Variants in SLC20A2 observed in about 807,000 individuals in gnomAD.
SLC20A2 encodes the protein solute carrier family 20 member 2, also known as sodium-dependent phosphate transporter 2.
SLC20A2 carries 30 observed loss-of-function variants against 61.0 expected under a neutral mutation model. That is an observed-to-expected ratio of 0.49 (90% CI 0.37 to 0.67). The LOEUF (loss-of-function observed/expected upper bound fraction) is 0.67, where lower values mean the gene tolerates loss of function less well. Among genes scored for constraint, SLC20A2 ranks in the 30% least tolerant of loss-of-function variants. SLC20A2 has a pLI of 0.00. For missense variants in SLC20A2, 626 were observed against 866.4 expected, an observed-to-expected ratio of 0.72 and a Z score of 3.48; for synonymous variants, 351 against 353.3, an observed-to-expected ratio of 0.99 and a Z score of 0.07.
intron 2 of SLC20A2, among the ~76,000 whole-genome samples, chr8:42,469,454 A>G (rs527238501): frequency 1.0e-3 from 154 of 152,358 alleles, no homozygotes; most frequent in Non-Finnish European, 1.8e-3. Flanking sequence ...GTAAAGAGCC[A>G]AACGCCAGGG....
At chr8:42,536,629 C>G (rs1227989243) in intron 1 of SLC20A2, 1 of 152,230 alleles carries the variant, frequency 6.6e-6, no homozygotes, top group Non-Finnish European at 1.5e-5. Flanking sequence ...TTCTAAACAG[C>G]TTCAAACTGA....
At chr8:42,489,086 C>A (rs1173967519) in intron 1 of SLC20A2, among the ~76,000 whole-genome samples, 2 of 151,876 alleles carry the variant, frequency 1.3e-5, no homozygotes, top group African/African-American at 4.8e-5. Context: ...ATTACAGATG[C>A]CTGCTACCAC....
intron 1 of SLC20A2, among the ~76,000 whole-genome samples, chr8:42,528,355 A>T (rs1407222140): frequency 2.6e-5 from 4 of 152,002 alleles, no homozygotes; most frequent in Non-Finnish European, 2.9e-5. Flanking sequence ...CCAGCTACGC[A>T]GGAGGCTGAG....
In SLC20A2 at chr8:42,533,720, C is replaced by T. The variant is rs189263131; in HGVS notation, c.-265+8101G>A. Among the ~76,000 whole-genome samples the T allele has an allele frequency of 8.6e-3, 1,075 of 125,430 alleles. 7 individuals are homozygous for T. Among genetic ancestry groups the T allele is most frequent in the African/African-American group, 0.032 (1,032 of 31,946 alleles). 82.3% of individuals were successfully genotyped at this position (125,430 alleles called of 152,430 possible). A position where few individuals can be genotyped will look rare whatever the true frequency, so the allele number is the denominator to read the frequency against. ...TGTCGCCCAGGCTGGAGTGCAGTGG[C>T]GTGATCTCAGCTCCCTGCAACCTCC... On this transcript the variant is annotated intron_variant, in intron 1 of 10. Transcript: ENST00000342228.
At chr8:42,440,171 G>T (rs1419923669) in intron 6 of SLC20A2, among the ~76,000 whole-genome samples, 1 of 151,780 alleles carries the variant, frequency 6.6e-6, no homozygotes, top group Non-Finnish European at 1.5e-5. Flanking sequence ...CAGCAATTGA[G>T]GAAAAGATGG....
At chr8:42,425,416 G>A (rs1803334470) in intron 10 of SLC20A2, among the ~76,000 whole-genome samples, 1 of 152,188 alleles carries the variant, frequency 6.6e-6, no homozygotes, top group East Asian at 1.9e-4. Flanking sequence ...GTGTGCAGGG[G>A]AAATATGTGA....
chr8:42,444,542 C>T, intron 6 of SLC20A2, 104 bp downstream of exon 6: 1 of 857,554 alleles, frequency 1.2e-6, no homozygotes, highest in South Asian at 1.4e-5. Flanking sequence ...CTGGAGTCAC[C>T]CACACTTCCA....
At chr8:42,418,631 G>T (rs1427063706) in intron 10 of SLC20A2, among the ~76,000 whole-genome samples, 1 of 151,824 alleles carries the variant, frequency 6.6e-6, no homozygotes, top group East Asian at 2.0e-4. Flanking sequence ...CAAGTGATCG[G>T]CCCGCCTCAG....
At chr8:42,478,782 A>G (rs559165059) in intron 1 of SLC20A2, among the ~76,000 whole-genome samples, 1 of 152,160 alleles carries the variant, frequency 6.6e-6, no homozygotes, top group South Asian at 2.1e-4. Context: ...ATAAAAGGTA[A>G]TGTTCACTTT....
chr8:42,493,312 C>A (rs1194820755), intron 1 of SLC20A2, among the ~76,000 whole-genome samples: 1 of 152,228 alleles, frequency 6.6e-6, no homozygotes, highest in Non-Finnish European at 1.5e-5. Context: ...GCAGAAATGA[C>A]TGAGGGAGCC....
Position 42,428,740 on chromosome 8 carries a change from C to A in SLC20A2, c.1794+18G>T, listed in dbSNP as rs762195144. On this transcript the variant is annotated intron_variant, in intron 10 of 10. Transcript: ENST00000520262. ...TCCCAGCGGCCTGGGGAAGGGCTCC[C>A]GGCTAGCAGGGGCCTACCTTACAGT... is the stretch of plus-strand genomic sequence containing the variant. The A allele has an allele frequency of 6.2e-7, 1 of 1,604,558 alleles. No homozygotes were observed. The highest frequency in any genetic ancestry group is 1.1e-5 in the South Asian group (1 of 89,424).
rs1391262305 is a variant in SLC20A2 at position 42,438,063 on chromosome 8, C to CAAAAAAAAA, written c.935-495_935-487dup. 5.2e-3 allele frequency among the ~76,000 whole-genome samples: 140 copies of CAAAAAAAAA among 26,818 alleles called. 13 individuals are homozygous for CAAAAAAAAA. The highest frequency in any genetic ancestry group is 0.045 in the Middle Eastern group (1 of 22). The allele number at this position is 26,818 out of a possible 152,430, so 17.6% of individuals were successfully genotyped here. A position where few individuals can be genotyped will look rare whatever the true frequency, so the allele number is the denominator to read the frequency against. ...TATGGTTACCACTAAAAAAAAAAAC[C>CAAAAAAAAA]AAAAAAAAAAAAAAAAAAAAAAAAA... On this transcript the variant is annotated intron_variant, in intron 7 of 10. Transcript: ENST00000520262.
chr8:42,490,458 A>G (rs757050272), intron 1 of SLC20A2, among the ~76,000 whole-genome samples: 17 of 152,162 alleles, frequency 1.1e-4, no homozygotes, highest in Admixed American at 5.2e-4. Context: ...TTAGCCGGAC[A>G]TGGTGGCATG....
At chr8:42,524,916 T>C (rs1467033632) in intron 1 of SLC20A2, among the ~76,000 whole-genome samples, 1 of 152,244 alleles carries the variant, frequency 6.6e-6, no homozygotes, top group Non-Finnish European at 1.5e-5. Flanking sequence ...GCAAATCATC[T>C]CACCTAATAA....
At position 42,437,389 on chromosome 8, in the gene SLC20A2, T is replaced by C. The variant is rs527716146; in HGVS notation, c.1123A>G (p.Ser375Gly). 6.2e-7 allele frequency: 1 copy of C among 1,614,172 alleles called. No homozygotes were observed. Among genetic ancestry groups the C allele is most frequent in the East Asian group, 2.2e-5 (1 of 44,866 alleles). ...RGPEEKPAQE[S>G]NYRLLRRNNS... The stretch of plus-strand genomic sequence containing the variant: ...TTTCGGCGCAGCAGCCGGTAGTTGC[T>C]TTCCTGGGCTGGCTTCTCCTCGGGG... The change falls in exon 8 of 11, where the codon AGC becomes GGC. Residue 375 changes from serine to glycine, a missense_variant. Coordinates refer to ENST00000520262, the MANE Select transcript of SLC20A2 (RefSeq NM_001257180.2). The surrounding 1 kb of genome is among the most constrained non-coding windows in gnomAD (Gnocchi z 6.4).
intron 10 of SLC20A2, among the ~76,000 whole-genome samples, chr8:42,418,850 T>C (rs1482950719): frequency 1.3e-5 from 2 of 151,474 alleles, no homozygotes; most frequent in Non-Finnish European, 2.9e-5. Context: ...TACCAAAAAT[T>C]AGCCAGGCGT....
At chr8:42,519,061 T>C (rs972808946) in intron 1 of SLC20A2, among the ~76,000 whole-genome samples, 2 of 152,198 alleles carry the variant, frequency 1.3e-5, no homozygotes, top group African/African-American at 4.8e-5. Flanking sequence ...ACTCAAACTG[T>C]AAGGTGCTGA....
chr8:42,481,957 T>C (rs942824673), intron 1 of SLC20A2, among the ~76,000 whole-genome samples: 1 of 152,186 alleles, frequency 6.6e-6, no homozygotes, highest in Admixed American at 6.5e-5. Flanking sequence ...ATTTAGATGT[T>C]TTCCACACAG....
intron 1 of SLC20A2, among the ~76,000 whole-genome samples, chr8:42,511,498 G>A (rs1344014546): frequency 6.6e-6 from 1 of 151,918 alleles, no homozygotes; most frequent in Non-Finnish European, 1.5e-5. Flanking sequence ...GTGGTAGCGG[G>A]TGCCTGTAAT....
Sources: gnomAD v4.1 joint callset for allele counts (sites outside exome capture counted in the v4.1 genomes callset) on GRCh38, gnomAD v4.1.1 for gene constraint, Gnocchi (gnomAD v3.1) non-coding constraint, MANE v1.5 for transcripts, NCBI Gene and HGNC (gene_info 2026-07-23, HGNC 2026-07-21) for gene names.